The following RBFOX1 variants were observed in gnomAD, a reference collection of about 807,000 sequenced individuals.
The protein encoded by RBFOX1 is RNA binding fox-1 homolog 1.
RBFOX1 carries 8 observed loss-of-function variants against 57.7 expected under a neutral mutation model. The observed-to-expected ratio is 0.14, with a 90% CI of 0.08 to 0.25. RBFOX1 has a LOEUF of 0.25. Ranked by LOEUF, RBFOX1 falls within the 10% of genes least tolerant of loss-of-function variation. The pLI is 1.00. For missense variants in RBFOX1, 611 were observed against 548.5 expected (o/e 1.11, Z -1.14); for synonymous variants, 326 against 222.4 (o/e 1.47, Z -4.15).
intron 3 of RBFOX1, among the ~76,000 whole-genome samples, chr16:6,801,746 C>G (rs1233734667): frequency 6.6e-6 from 1 of 151,952 alleles, no homozygotes; most frequent in Non-Finnish European, 1.5e-5. Flanking sequence ...TTTCTGTAAC[C>G]AGTTACAGGG....
intron 2 of RBFOX1, among the ~76,000 whole-genome samples, chr16:6,374,116 A>G (rs1290837868): frequency 1.3e-5 from 2 of 152,216 alleles, no homozygotes; most frequent in African/African-American, 4.8e-5. Flanking sequence ...AGGATGCTGT[A>G]TTAGTTTCTT....
At chr16:6,093,310 G>A (rs988149007) in intron 1 of RBFOX1, among the ~76,000 whole-genome samples, 9 of 151,898 alleles carry the variant, frequency 5.9e-5, no homozygotes, top group Admixed American at 2.6e-4. Context: ...GCAGTGGCTC[G>A]CACCTGTAGG....
chr16:5,704,818 G>C (rs1013958470), intron 3 of RBFOX1, among the ~76,000 whole-genome samples: 1 of 152,178 alleles, frequency 6.6e-6, no homozygotes, highest in Admixed American at 6.5e-5. Context: ...CCAGTGCCAG[G>C]ACCCCCTTTG....
At chr16:5,239,958 G>T in exon 1 of RBFOX1, 1 of 1,528,098 alleles carries the variant, frequency 6.5e-7, no homozygotes, top group Non-Finnish European at 8.8e-7. Context: ...CCAGGAGGGA[G>T]GAGGACGACG....
At chr16:6,050,488 T>C (rs1375706580) in intron 1 of RBFOX1, among the ~76,000 whole-genome samples, 2 of 152,220 alleles carry the variant, frequency 1.3e-5, no homozygotes, top group African/African-American at 2.4e-5. Flanking sequence ...TTCCATTTCT[T>C]TGGTCATTTC....
rs187517840 is a variant in RBFOX1 at position 7,096,143 on chromosome 16, A to G, written c.27+44045A>G. On this transcript the variant is annotated intron_variant, in intron 4 of 15. Coordinates refer to ENST00000550418, the MANE Select transcript of RBFOX1 (RefSeq NM_018723.4). ...TGATCCCAATCTTCATATAACTTAC[A>G]TGTAGTGAAGGAGACAGATAAAACA... is the stretch of plus-strand genomic sequence containing the variant. Among the ~76,000 whole-genome samples the G allele has an allele frequency of 7.9e-5, 12 of 152,332 alleles. No individual in the cohort carries two copies. In the East Asian group the frequency reaches 2.3e-3, roughly 29 times the overall value.
intron 2 of RBFOX1, among the ~76,000 whole-genome samples, chr16:6,575,689 C>G (rs1345554124): frequency 1.3e-5 from 2 of 151,966 alleles, no homozygotes; most frequent in African/African-American, 4.8e-5. Context: ...GAAACACTGT[C>G]TGTACTAAAA....
At chr16:6,147,069 T>A (rs2096763720) in intron 1 of RBFOX1, among the ~76,000 whole-genome samples, 1 of 152,146 alleles carries the variant, frequency 6.6e-6, no homozygotes, top group Non-Finnish European at 1.5e-5. Flanking sequence ...ATACAGAGAC[T>A]CAGGCCCCAG....
chr16:6,750,060 G>A (rs1320788783), intron 3 of RBFOX1, among the ~76,000 whole-genome samples: 6 of 152,086 alleles, frequency 3.9e-5, no homozygotes. Context: ...TCAACTAGGG[G>A]CTAACATTAA....
At chr16:7,688,122 C>T (rs2076461973) in intron 14 of RBFOX1, among the ~76,000 whole-genome samples, 1 of 151,916 alleles carries the variant, frequency 6.6e-6, no homozygotes, top group Non-Finnish European at 1.5e-5. Context: ...GGATTTTGTC[C>T]CACTGCTATC....
At chr16:7,208,958 C>G (rs980775260) in intron 4 of RBFOX1, among the ~76,000 whole-genome samples, 8 of 151,996 alleles carry the variant, frequency 5.3e-5, no homozygotes, top group Non-Finnish European at 1.0e-4. Context: ...AGGGACCCAT[C>G]TACTCTTCAC....
chr16:6,800,921 C>T (rs116936021), intron 3 of RBFOX1, among the ~76,000 whole-genome samples: 1,934 of 152,222 alleles, frequency 0.013, 23 homozygotes, highest in Non-Finnish European at 0.018. Context: ...AACTAGTTTG[C>T]TATCCGTCTT....
intron 3 of RBFOX1, among the ~76,000 whole-genome samples, chr16:6,655,675 C>T (rs1433927315): frequency 1.3e-5 from 2 of 152,074 alleles, no homozygotes; most frequent in African/African-American, 2.4e-5. Flanking sequence ...CAGATTTTAC[C>T]CTGTGTATGC....
chr16:6,900,551 C>G (rs7196168), intron 3 of RBFOX1, among the ~76,000 whole-genome samples: 1 of 152,008 alleles, frequency 6.6e-6, no homozygotes, highest in African/African-American at 2.4e-5. Flanking sequence ...TGCTTCTCCC[C>G]TTACTCATTA....
intron 3 of RBFOX1, among the ~76,000 whole-genome samples, chr16:6,930,345 C>G (rs759270432): frequency 5.9e-5 from 9 of 152,232 alleles, no homozygotes; most frequent in East Asian, 1.9e-4. Context: ...TCACTAATCT[C>G]TAGAGAAATG....
chr16:5,555,662 T>G (rs1435426779), intron 2 of RBFOX1, among the ~76,000 whole-genome samples: 1 of 152,030 alleles, frequency 6.6e-6, no homozygotes. Flanking sequence ...GTAGCTCTGT[T>G]GAAGTGAGGA....
chr16:7,145,288 T>G (rs1600892772), intron 4 of RBFOX1, among the ~76,000 whole-genome samples: 1 of 152,196 alleles, frequency 6.6e-6, no homozygotes, highest in African/African-American at 2.4e-5. Context: ...CACTGCAGCC[T>G]CAACTTCCCG....
At chr16:5,364,654 C>T (rs1281748051) in intron 1 of RBFOX1, among the ~76,000 whole-genome samples, 1 of 152,154 alleles carries the variant, frequency 6.6e-6, no homozygotes, top group African/African-American at 2.4e-5. Context: ...ATGCCAAGCA[C>T]TTGTGCTCTA....
chr16:7,150,073 C>T (rs1250273363), intron 4 of RBFOX1, among the ~76,000 whole-genome samples: 1 of 152,208 alleles, frequency 6.6e-6, no homozygotes, highest in Non-Finnish European at 1.5e-5. Flanking sequence ...CCTGCCCCAG[C>T]CAGGTTGCCT....
Sources: allele counts gnomAD v4.1 joint callset (sites outside exome capture counted in the v4.1 genomes callset), GRCh38; gene constraint gnomAD v4.1.1; transcripts MANE v1.5; gene names NCBI Gene and HGNC (gene_info 2026-07-23, HGNC 2026-07-21).